PACSIN1: variants seen among roughly 807,000 people sequenced by gnomAD.
The protein encoded by PACSIN1 is protein kinase C and casein kinase substrate in neurons 1, also known as protein kinase C and casein kinase substrate in neurons protein 1.
PACSIN1 carries 15 observed loss-of-function variants against 59.5 expected under a neutral mutation model. That is an observed-to-expected ratio of 0.25 (90% CI 0.17 to 0.39). PACSIN1 has a LOEUF of 0.39. Among genes scored for constraint, PACSIN1 ranks in the 10% least tolerant of loss-of-function variants. The probability of loss-of-function intolerance (pLI) is 1.00; values close to 1 mark genes in which losing one functional copy is unlikely to be tolerated. For missense variants in PACSIN1, 420 were observed against 580.2 expected (o/e 0.72, Z 2.84); for synonymous variants, 210 against 220.6 (o/e 0.95, Z 0.42).
intron 1 of PACSIN1, among the ~76,000 whole-genome samples, chr6:34,482,600 G>A (rs1400340846): frequency 6.6e-6 from 1 of 151,686 alleles, no homozygotes; most frequent in Middle Eastern, 3.2e-3. Context: ...ATGTTTTTGT[G>A]TGAACATATG....
Position 34,530,434 on chromosome 6 carries a change from C to G in PACSIN1, c.910-26C>G. The G allele has an allele frequency of 6.3e-7, 1 of 1,597,010 alleles. No individual in the cohort carries two copies. Among genetic ancestry groups the G allele is most frequent in the Non-Finnish European group, 8.6e-7 (1 of 1,169,214 alleles). ...GGTGCCTCAGGGCATAGTCCCCCAGCCTGACTGCTCCACTGGCCCCACCAG... is the reference window on the plus strand; with the variant it reads ...GGTGCCTCAGGGCATAGTCCCCCAGGCTGACTGCTCCACTGGCCCCACCAG... On this transcript the variant is annotated intron_variant, in intron 7 of 9. Coordinates refer to ENST00000244458, the MANE Select transcript of PACSIN1 (RefSeq NM_020804.5). The surrounding 1 kb of genome is among the most constrained non-coding windows in gnomAD (Gnocchi z 4.4).
intron 1 of PACSIN1, among the ~76,000 whole-genome samples, chr6:34,490,704 C>A (rs1273969884): frequency 6.6e-6 from 1 of 152,186 alleles, no homozygotes; most frequent in African/African-American, 2.4e-5. Context: ...AAATGAGGTG[C>A]CTGCCCGGCC....
chr6:34,470,608 G>A (rs546623321), intron 1 of PACSIN1, among the ~76,000 whole-genome samples: 4 of 41,494 alleles, frequency 9.6e-5, no homozygotes, highest in South Asian at 1.2e-3. Context: ...TCGACCTCCC[G>A]GGCCCAAGGG....
At chr6:34,506,823 G>C (rs1767122999) in intron 1 of PACSIN1, among the ~76,000 whole-genome samples, 1 of 152,146 alleles carries the variant, frequency 6.6e-6, no homozygotes, top group Non-Finnish European at 1.5e-5. Context: ...TGGGGGTGAA[G>C]GTCAACCCAG....
chr6:34,505,575 A>C (rs538060365), intron 1 of PACSIN1, among the ~76,000 whole-genome samples: 1 of 118,234 alleles, frequency 8.5e-6, no homozygotes, highest in South Asian at 2.7e-4. Flanking sequence ...AGATTGGGTA[A>C]TTTCTATTGT....
At chr6:34,469,922 G>A (rs1468534316) in intron 1 of PACSIN1, among the ~76,000 whole-genome samples, 1 of 152,238 alleles carries the variant, frequency 6.6e-6, no homozygotes, top group African/African-American at 2.4e-5. Context: ...GAGCGTGTCT[G>A]TGGGGAGCAA....
intron 1 of PACSIN1, among the ~76,000 whole-genome samples, chr6:34,507,199 T>C (rs1767128947): frequency 6.6e-6 from 1 of 152,228 alleles, no homozygotes; most frequent in Admixed American, 6.5e-5. Flanking sequence ...GGGCTGTTTT[T>C]GTCTATGTTT....
intron 1 of PACSIN1, among the ~76,000 whole-genome samples, chr6:34,489,944 G>C (rs946178518): frequency 1.3e-5 from 2 of 152,176 alleles, no homozygotes; most frequent in Non-Finnish European, 2.9e-5. Context: ...TCCTTCTGGG[G>C]ACCTGGTCTC....
intron 1 of PACSIN1, among the ~76,000 whole-genome samples, chr6:34,511,724 T>C (rs1224494668): frequency 6.6e-6 from 1 of 152,218 alleles, no homozygotes; most frequent in Non-Finnish European, 1.5e-5. Flanking sequence ...GGGAGGATTC[T>C]GGCATTTTGA....
chr6:34,522,237 T>C (rs1767406497), intron 1 of PACSIN1, among the ~76,000 whole-genome samples: 1 of 152,220 alleles, frequency 6.6e-6, no homozygotes, highest in Non-Finnish European at 1.5e-5. Flanking sequence ...CAATACCAGC[T>C]CCGCTGTTTA....
intron 1 of PACSIN1, among the ~76,000 whole-genome samples, chr6:34,467,816 T>C (rs1766519112): frequency 6.6e-6 from 1 of 152,128 alleles, no homozygotes; most frequent in African/African-American, 2.4e-5. Context: ...CCTTGGCCTC[T>C]CAAAGTGCTA....
At chr6:34,482,619 T>G (rs950255632) in intron 1 of PACSIN1, among the ~76,000 whole-genome samples, 2 of 152,176 alleles carry the variant, frequency 1.3e-5, no homozygotes, top group African/African-American at 4.8e-5. Context: ...TGTTTTCATT[T>G]CTCTTGGATA....
At chr6:34,492,349 C>T (rs1051303909) in intron 1 of PACSIN1, among the ~76,000 whole-genome samples, 1 of 151,936 alleles carries the variant, frequency 6.6e-6, no homozygotes, top group African/African-American at 2.4e-5. Context: ...GCTGTAGCTA[C>T]AGGCACGCAT....
rs1231727940 is a variant in PACSIN1 at position 34,533,067 on chromosome 6, A to G, written c.*537A>G. On this transcript the variant is annotated 3_prime_UTR_variant, in exon 10 of 10. Transcript: ENST00000244458. ...GGGGAGCACCCTTCTACTCCTAGCC[A>G]CGTCCCTTGGGACCGGTGGGACTGG... The G allele has an allele frequency of 6.6e-6, 1 of 152,460 alleles. No individual in the cohort carries two copies. Among genetic ancestry groups the G allele is most frequent in the African/African-American group, 2.4e-5 (1 of 41,450 alleles). The allele number at this position is 152,460 out of a possible 1,614,324, so 9.4% of individuals were successfully genotyped here.
At chr6:34,487,379 G>A (rs974711571) in intron 1 of PACSIN1, among the ~76,000 whole-genome samples, 4 of 152,192 alleles carry the variant, frequency 2.6e-5, no homozygotes, top group East Asian at 1.9e-4. Context: ...ATGGAATCAC[G>A]TGGAATGTGC....
intron 1 of PACSIN1, among the ~76,000 whole-genome samples, chr6:34,475,258 TC>T (rs1766622884): frequency 6.6e-6 from 1 of 151,774 alleles, no homozygotes; most frequent in Non-Finnish European, 1.5e-5. Context: ...GCTGACCGCC[TC>T]CTCCTCTCAC....
intron 1 of PACSIN1, among the ~76,000 whole-genome samples, chr6:34,481,925 C>T (rs930519076): frequency 5.9e-5 from 9 of 152,264 alleles, no homozygotes; most frequent in African/African-American, 2.2e-4. Context: ...AAAGAAACTC[C>T]ATATCCATTA....
chr6:34,502,837 A>C (rs1431975457), intron 1 of PACSIN1, among the ~76,000 whole-genome samples: 2 of 152,224 alleles, frequency 1.3e-5, no homozygotes, highest in Non-Finnish European at 2.9e-5. Context: ...AGCTGAGCCC[A>C]GTCAATCCAC....
chr6:34,496,941 C>CTCTT (rs34462425), intron 1 of PACSIN1, among the ~76,000 whole-genome samples: 5 of 100,806 alleles, frequency 5.0e-5, no homozygotes, highest in African/African-American at 1.6e-4. Context: ...CTCTCTCTCT[C>CTCTT]TTTTTTTTTT....
Sources: allele counts gnomAD v4.1 joint callset (sites outside exome capture counted in the v4.1 genomes callset), GRCh38; gene constraint gnomAD v4.1.1; non-coding constraint Gnocchi (gnomAD v3.1); transcripts MANE v1.5; gene names NCBI Gene and HGNC (gene_info 2026-07-23, HGNC 2026-07-21).